The following MAGI3 variants were observed in gnomAD, a reference collection of about 807,000 sequenced individuals.
MAGI3 encodes membrane associated guanylate kinase, WW and PDZ domain containing 3, also known as membrane-associated guanylate kinase, WW and PDZ domain-containing protein 3.
Under a neutral mutation model 121.8 loss-of-function variants are expected in MAGI3, and 43 were observed. The observed-to-expected ratio is 0.35, with a 90% confidence interval of 0.28 to 0.46. The LOEUF is 0.46. Ranked by LOEUF, MAGI3 falls within the 20% of genes least tolerant of loss-of-function variation. The pLI, the probability that MAGI3 is intolerant of heterozygous loss-of-function variation, is 1.00. For missense variants in MAGI3, 1,547 were observed against 1,797.3 expected (o/e 0.86, Z 2.52); for synonymous variants, 553 against 639.3 (o/e 0.86, Z 2.04).
chr1:113,682,087 C>A, intron 20 of MAGI3: 2 of 940,892 alleles, frequency 2.1e-6, no homozygotes, highest in African/African-American at 1.8e-5. Context: ...GCTTATGATT[C>A]TCTGACTGTA....
At chr1:113,596,723 A>G (rs1649032181) in intron 6 of MAGI3, among the ~76,000 whole-genome samples, 1 of 152,142 alleles carries the variant, frequency 6.6e-6, no homozygotes, top group Non-Finnish European at 1.5e-5. Context: ...AAGATATTTA[A>G]AATTATTAAT....
intron 1 of MAGI3, chr1:113,404,553 T>C (rs1000740818): frequency 6.6e-6 from 1 of 152,192 alleles, no homozygotes; most frequent in Non-Finnish European, 1.5e-5. Context: ...CACTATATAG[T>C]GGTTTGCTAC....
At chr1:113,591,086 C>A (rs1439042497) in intron 5 of MAGI3, among the ~76,000 whole-genome samples, 1 of 151,834 alleles carries the variant, frequency 6.6e-6, no homozygotes, top group Non-Finnish European at 1.5e-5. Flanking sequence ...TGTGTTCAGG[C>A]AATATAGTTG....
chr1:113,564,041 T>C (rs1660341020), intron 2 of MAGI3, among the ~76,000 whole-genome samples: 2 of 152,234 alleles, frequency 1.3e-5, no homozygotes, highest in Non-Finnish European at 2.9e-5. Flanking sequence ...CCTACTTAGT[T>C]AATTCCCTGT....
chr1:113,452,325 T>G (rs1166259487), intron 1 of MAGI3, among the ~76,000 whole-genome samples: 1 of 152,048 alleles, frequency 6.6e-6, no homozygotes, highest in Non-Finnish European at 1.5e-5. Flanking sequence ...TTGCAGAATT[T>G]TAGTCTGAAT....
chr1:113,442,275 G>A (rs947812161), intron 1 of MAGI3, among the ~76,000 whole-genome samples: 2 of 152,184 alleles, frequency 1.3e-5, no homozygotes, highest in African/African-American at 4.8e-5. Context: ...AGAAGCAGAT[G>A]TTGTATGACG....
chr1:113,639,033 G>A (rs1479359399), intron 9 of MAGI3, among the ~76,000 whole-genome samples: 8 of 152,334 alleles, frequency 5.3e-5, no homozygotes, highest in South Asian at 2.1e-4. Flanking sequence ...AGGACCCTCC[G>A]AGCCAGGTGC....
At chr1:113,597,974 G>A (rs1649122885) in intron 6 of MAGI3, among the ~76,000 whole-genome samples, 1 of 152,108 alleles carries the variant, frequency 6.6e-6, no homozygotes. Context: ...AGCACTTTGG[G>A]AGGCTGTGGT....
At chr1:113,538,742 A>T (rs1465009272) in intron 1 of MAGI3, among the ~76,000 whole-genome samples, 1 of 152,132 alleles carries the variant, frequency 6.6e-6, no homozygotes, top group Non-Finnish European at 1.5e-5. Flanking sequence ...GATGATTTCC[A>T]TCTTATTTTT....
rs111501053 is a variant in MAGI3 at position 113,449,116 on chromosome 1, CAA to C, written c.316+57782_316+57783del. Among the ~76,000 whole-genome samples the C allele has an allele frequency of 1.7e-3, 124 of 73,244 alleles. 1 individual carries two copies. The highest frequency in any genetic ancestry group is 4.0e-3 in the African/African-American group (89 of 22,218). The allele number at this position is 73,244 out of a possible 152,430, so 48.1% of individuals were successfully genotyped here. ...GGGCAACAAGAGCAAAACTTCATTT[CAA>C]AAAAAAAAAAAAAAGAATATTTTGC... On this transcript the variant is annotated intron_variant, in intron 1 of 20. Coordinates refer to ENST00000307546, the MANE Select transcript of MAGI3 (RefSeq NM_001142782.2).
intron 1 of MAGI3, chr1:113,404,031 A>G (rs974799782): frequency 2.6e-5 from 4 of 151,928 alleles, no homozygotes; most frequent in African/African-American, 9.7e-5. Flanking sequence ...TGGAATAATC[A>G]TAGGGCCAAG....
chr1:113,653,873 A>G lies in MAGI3; in HGVS notation c.2484A>G (p.Thr828=), dbSNP rs2359173. ...EDDSSQAFIS[T]QNGSPRLNRA... ...ACAGCTCTCAGGCCTTCATTTCAAC[A>G]CAGAATGGATCTCCCCGCCTGAACC... Residue 828 remains threonine, a synonymous_variant, in exon 15 of 21, where the codon ACA becomes ACG. Coordinates refer to ENST00000307546, the MANE Select transcript of MAGI3 (RefSeq NM_001142782.2). 0.28 allele frequency: 456,369 copies of G among 1,612,252 alleles called. 68,619 individuals are homozygous for G. The highest frequency in any genetic ancestry group is 0.38 in the South Asian group (34,259 of 90,896).
intron 1 of MAGI3, among the ~76,000 whole-genome samples, chr1:113,527,325 T>A (rs1658498951): frequency 6.6e-6 from 1 of 152,088 alleles, no homozygotes; most frequent in African/African-American, 2.4e-5. Flanking sequence ...CATCGCTCAA[T>A]AGGCACATGA....
chr1:113,441,628 A>G (rs527794561), intron 1 of MAGI3, among the ~76,000 whole-genome samples: 240 of 152,324 alleles, frequency 1.6e-3, no homozygotes, highest in African/African-American at 5.7e-3. Flanking sequence ...GAATATATTA[A>G]ATCATGAGTT....
intron 16 of MAGI3, 48 bp downstream of exon 16, chr1:113,659,313 A>G (rs1467147294): frequency 2.5e-6 from 4 of 1,589,656 alleles, no homozygotes; most frequent in Non-Finnish European, 3.4e-6. Flanking sequence ...TGAGAGGCAC[A>G]AAGCCTGTGT....
rs1650829695 is a variant in MAGI3, at chr1:113,391,668, C to A, written c.316+319C>A. ...AGAGTTTTTGACTAGAGAAGGCCAG[C>A]CTTTTCCTGTGTTGTGCAAAAAGGC... is the stretch of plus-strand genomic sequence containing the variant. On this transcript the variant is annotated intron_variant, in intron 1 of 20. Coordinates refer to ENST00000307546, the MANE Select transcript of MAGI3 (RefSeq NM_001142782.2). The surrounding 1 kb of genome is among the most constrained non-coding windows in gnomAD (Gnocchi z 4.4). Among the ~76,000 whole-genome samples, 1 of 152,164 alleles carries A rather than the reference C, an allele frequency of 6.6e-6. No individual in the cohort carries two copies. Among genetic ancestry groups the A allele is most frequent in the South Asian group, 2.1e-4 (1 of 4,828 alleles).
At chr1:113,646,271 A>G (rs1022551974) in intron 11 of MAGI3, among the ~76,000 whole-genome samples, 3 of 152,162 alleles carry the variant, frequency 2.0e-5, no homozygotes, top group Admixed American at 6.5e-5. Flanking sequence ...AGTTGATATT[A>G]CTATAAACTT....
intron 19 of MAGI3, among the ~76,000 whole-genome samples, chr1:113,674,143 G>A (rs1461033379): frequency 6.6e-6 from 1 of 152,216 alleles, no homozygotes; most frequent in African/African-American, 2.4e-5. Flanking sequence ...TGTAATCCCA[G>A]CACTTTGGGA....
intron 1 of MAGI3, among the ~76,000 whole-genome samples, chr1:113,482,151 A>G (rs906268525): frequency 3.9e-5 from 6 of 152,050 alleles, no homozygotes; most frequent in East Asian, 3.9e-4. Flanking sequence ...CAGTATTCCA[A>G]TTTTCTAATT....
Sources: allele counts gnomAD v4.1 joint callset (sites outside exome capture counted in the v4.1 genomes callset), GRCh38; gene constraint gnomAD v4.1.1; non-coding constraint Gnocchi (gnomAD v3.1); transcripts MANE v1.5; gene names NCBI Gene and HGNC (gene_info 2026-07-23, HGNC 2026-07-21).